Variants in HIVEP1 observed in about 807,000 individuals in gnomAD.
HIVEP1 encodes zinc finger protein 40.
Under a neutral mutation model 180.0 loss-of-function variants are expected in HIVEP1, and 36 were observed. The observed-to-expected ratio is 0.20, with a 90% CI of 0.15 to 0.26. The LOEUF (loss-of-function observed/expected upper bound fraction) is 0.26. Ranked by LOEUF, HIVEP1 falls within the 10% of genes least tolerant of loss-of-function variation. The pLI is 1.00. For missense variants in HIVEP1, 3,143 were observed against 3,268.7 expected (o/e 0.96, Z 0.94); for synonymous variants, 1,239 against 1,239.0 (o/e 1.00, Z 0.00).
the HIVEP1 span, among the ~76,000 whole-genome samples, chr6:12,203,858 C>G: frequency 6.6e-6 from 1 of 152,142 alleles, no homozygotes; most frequent in African/African-American, 2.4e-5. Context: ...AAGTGGATCA[C>G]CTGAGGTCAG....
the HIVEP1 span, among the ~76,000 whole-genome samples, chr6:12,207,107 G>T: frequency 6.6e-6 from 1 of 152,198 alleles, no homozygotes; most frequent in South Asian, 2.1e-4. Context: ...ATTCTGCTGA[G>T]TTTTTAAGTC....
Position 12,121,849 on chromosome 6 carries a change from C to T in HIVEP1, c.2054C>T (p.Thr685Ile). 1 of 1,614,208 alleles carries T rather than the reference C, an allele frequency of 6.2e-7. No individual in the cohort carries two copies. The highest frequency in any genetic ancestry group is 8.5e-7 in the Non-Finnish European group (1 of 1,180,040). Residue 685 changes from threonine to isoleucine, a missense_variant, in exon 4 of 9, where the codon ACA becomes ATA. Transcript: ENST00000379388. The surrounding 1 kb of genome is among the most constrained non-coding windows in gnomAD (Gnocchi z 5.3). ...TCACGTTCTGAAAGTGCCGATCAAA[C>T]AGTGAGTCCACCAACTCCCTTTGCC... ...YFSRSESADQ[T>I]VSPPTPFARR...
chr6:12,047,291 C>T (rs143890225), intron 2 of HIVEP1, among the ~76,000 whole-genome samples: 32 of 152,332 alleles, frequency 2.1e-4, no homozygotes, highest in African/African-American at 7.7e-4. Context: ...ATGCTAGTGT[C>T]AAGTGTAGCC....
chr6:12,104,929 A>G (rs1232863189), intron 3 of HIVEP1, among the ~76,000 whole-genome samples: 1 of 152,146 alleles, frequency 6.6e-6, no homozygotes, highest in Non-Finnish European at 1.5e-5. Flanking sequence ...TATTCATTCC[A>G]ATATATTGGA....
At chr6:12,172,775 G>A in the HIVEP1 span, among the ~76,000 whole-genome samples, 1 of 149,770 alleles carries the variant, frequency 6.7e-6, no homozygotes, top group Non-Finnish European at 1.5e-5. Flanking sequence ...GAGGCTGGGA[G>A]TTAAAACACG....
At chr6:12,135,940 A>AT (rs776624206) in intron 7 of HIVEP1, 48 bp downstream of exon 7, 100 of 1,292,452 alleles carry the variant, frequency 7.7e-5, no homozygotes, top group African/African-American at 2.2e-4. Flanking sequence ...ATAATGTACA[A>AT]TTTTTTTGCT....
At chr6:12,149,119 G>A (rs1249896046) in intron 7 of HIVEP1, among the ~76,000 whole-genome samples, 3 of 152,144 alleles carry the variant, frequency 2.0e-5, no homozygotes, top group Non-Finnish European at 2.9e-5. Flanking sequence ...CAGTAGTGGG[G>A]TCCTGCCGCA....
chr6:12,043,625 C>T (rs1474072789), intron 2 of HIVEP1, among the ~76,000 whole-genome samples: 1 of 152,146 alleles, frequency 6.6e-6, no homozygotes, highest in Non-Finnish European at 1.5e-5. Context: ...CCTCAGCCTC[C>T]CAAAGTGCTG....
intron 2 of HIVEP1, among the ~76,000 whole-genome samples, chr6:12,027,260 G>A (rs9462379): frequency 0.15 from 22,113 of 152,208 alleles, 1,652 homozygotes; most frequent in Admixed American, 0.19. Context: ...CTGTAGGAAT[G>A]AATTATTATT....
chr6:12,052,239 A>G (rs1157054162), intron 2 of HIVEP1, among the ~76,000 whole-genome samples: 3 of 152,194 alleles, frequency 2.0e-5, no homozygotes, highest in African/African-American at 7.2e-5. Flanking sequence ...ATATTTACTC[A>G]ACAAGGAGAC....
chr6:12,011,235 T>G (rs1020364790), upstream of HIVEP1, among the ~76,000 whole-genome samples: 9 of 145,936 alleles, frequency 6.2e-5, no homozygotes, highest in African/African-American at 2.3e-4. Flanking sequence ...ACTTTCCCCT[T>G]CCTTCTACGC....
chr6:12,108,130 A>G (rs559054300), intron 3 of HIVEP1, among the ~76,000 whole-genome samples: 2 of 151,594 alleles, frequency 1.3e-5, no homozygotes, highest in East Asian at 1.9e-4. Context: ...AAGTTTCTCC[A>G]AGGCCCCACC....
intron 2 of HIVEP1, among the ~76,000 whole-genome samples, chr6:12,046,951 C>G (rs1770179940): frequency 6.6e-6 from 1 of 150,570 alleles, no homozygotes. Context: ...ATCTTCGCCT[C>G]CTGGGTTCAA....
chr6:12,033,321 CATGT>C (rs1447865932), intron 2 of HIVEP1, among the ~76,000 whole-genome samples: 5 of 133,520 alleles, frequency 3.7e-5, no homozygotes, highest in African/African-American at 1.2e-4. Flanking sequence ...AGTAGAGGAG[CATGT>C]GTGTGTGTGT....
At chr6:12,190,098 A>G in the HIVEP1 span, among the ~76,000 whole-genome samples, 13 of 152,104 alleles carry the variant, frequency 8.5e-5, no homozygotes, top group East Asian at 1.5e-3. Flanking sequence ...ACACATCTCT[A>G]CTCTTATCCT....
intron 2 of HIVEP1, among the ~76,000 whole-genome samples, chr6:12,018,805 C>T (rs538445204): frequency 6.6e-6 from 1 of 152,208 alleles, no homozygotes; most frequent in South Asian, 2.1e-4. Context: ...TTCTCTACTT[C>T]TAGAGCATAA....
the HIVEP1 span, among the ~76,000 whole-genome samples, chr6:12,197,290 G>T: frequency 1.3e-4 from 20 of 152,266 alleles, no homozygotes; most frequent in Non-Finnish European, 2.5e-4. Context: ...GGGTGCAGCG[G>T]CTCATACCTG....
the HIVEP1 span, among the ~76,000 whole-genome samples, chr6:12,180,777 G>A: frequency 3.3e-5 from 5 of 152,146 alleles, no homozygotes; most frequent in East Asian, 3.8e-4. Flanking sequence ...AAATCCACAC[G>A]AGATTAATAT....
chr6:12,136,010 A>G, intron 7 of HIVEP1, 118 bp downstream of exon 7: 1 of 576,796 alleles, frequency 1.7e-6, no homozygotes. Flanking sequence ...CCTCTTATTT[A>G]TATGCAGTAG....
Sources: allele counts gnomAD v4.1 joint callset (sites outside exome capture counted in the v4.1 genomes callset), GRCh38; gene constraint gnomAD v4.1.1; non-coding constraint Gnocchi (gnomAD v3.1); transcripts MANE v1.5; gene names NCBI Gene and HGNC (gene_info 2026-07-23, HGNC 2026-07-21).